Variants in DHX29 observed in about 807,000 individuals in gnomAD.
DHX29 encodes the protein DExH-box helicase 29.
In DHX29, 79 loss-of-function variants were observed where a neutral mutation model predicts 167.9. The observed-to-expected ratio is 0.47, with a 90% CI of 0.39 to 0.57. The LOEUF is 0.57. Ranked by LOEUF, DHX29 falls within the 20% of genes least tolerant of loss-of-function variation. The probability of loss-of-function intolerance (pLI) is 0.00; values close to 1 mark genes in which losing one functional copy is unlikely to be tolerated. For synonymous variants in DHX29, 530 were observed against 546.0 expected (o/e 0.97, Z 0.41); for missense variants, 1,347 against 1,593.4 (o/e 0.85, Z 2.63).
chr5:55,305,592 G>A (rs1748819961), intron 1 of DHX29, among the ~76,000 whole-genome samples: 1 of 152,184 alleles, frequency 6.6e-6, no homozygotes, highest in African/African-American at 2.4e-5. Context: ...ACCAACTGGA[G>A]GAAGCAAAAT....
At chr5:55,272,320 T>C (rs1260046526) in intron 17 of DHX29, 145 bp from the exon 18 acceptor site, 1 of 594,698 alleles carries the variant, frequency 1.7e-6, no homozygotes, top group Admixed American at 3.9e-5. Flanking sequence ...GCTATTACTG[T>C]GTAATTTTAA....
intron 18 of DHX29, among the ~76,000 whole-genome samples, chr5:55,271,222 C>T (rs1402480137): frequency 1.3e-5 from 2 of 152,174 alleles, no homozygotes; most frequent in Admixed American, 1.3e-4. Context: ...TAAAGGTGGT[C>T]TGTCCTATTT....
intron 9 of DHX29, 61 bp downstream of exon 9, chr5:55,285,635 C>T: frequency 1.3e-6 from 2 of 1,483,588 alleles, no homozygotes; most frequent in Non-Finnish European, 1.8e-6. Flanking sequence ...AAAAGATTTC[C>T]ACCTTAAATT....
At chr5:55,299,349 C>G (rs1273559099) in intron 1 of DHX29, among the ~76,000 whole-genome samples, 3 of 152,136 alleles carry the variant, frequency 2.0e-5, no homozygotes, top group Non-Finnish European at 4.4e-5. Context: ...AAAGAGAAAG[C>G]ACTCTTTCTT....
chr5:55,303,059 T>A (rs1748686661), intron 1 of DHX29, among the ~76,000 whole-genome samples: 1 of 152,090 alleles, frequency 6.6e-6, no homozygotes, highest in African/African-American at 2.4e-5. Flanking sequence ...ATTTATTACA[T>A]TAAAGTTGAA....
At chr5:55,270,376 G>A (rs750250173) in intron 20 of DHX29, 36 bp downstream of exon 20, 48 of 1,560,278 alleles carry the variant, frequency 3.1e-5, no homozygotes, top group Admixed American at 2.3e-4. Context: ...AGAAAGGGGC[G>A]AAGGACAAAA....
At chr5:55,264,322 T>C (rs776622877) in intron 23 of DHX29, among the ~76,000 whole-genome samples, 1 of 152,168 alleles carries the variant, frequency 6.6e-6, no homozygotes, top group Non-Finnish European at 1.5e-5. Context: ...ACCTGAGTAA[T>C]GGGCTAAACC....
chr5:55,275,257 C>CAT (rs1422325317), intron 14 of DHX29, among the ~76,000 whole-genome samples: 2 of 152,144 alleles, frequency 1.3e-5, no homozygotes, highest in African/African-American at 4.8e-5. Context: ...TTTATCTTGG[C>CAT]ATATACATAC....
chr5:55,286,227 C>CT (rs1747722417), intron 8 of DHX29, among the ~76,000 whole-genome samples: 1 of 149,560 alleles, frequency 6.7e-6, no homozygotes, highest in African/African-American at 2.5e-5. Context: ...GCACTACAGC[C>CT]TGGGTGACAG....
intron 24 of DHX29, 108 bp from the exon 25 acceptor site, chr5:55,261,607 A>G: frequency 1.2e-5 from 9 of 769,326 alleles, no homozygotes; most frequent in Admixed American, 2.4e-5. Flanking sequence ...CTACATTTTA[A>G]GCTCAGAGTA....
Position 55,277,247 on chromosome 5 carries a change from T to C in DHX29, c.2145A>G (p.Leu715=), listed in dbSNP as rs776908686. 5 of 1,609,408 alleles carry C rather than the reference T, an allele frequency of 3.1e-6. No individual in the cohort carries two copies. In the South Asian group the frequency reaches 4.4e-5, roughly 14 times the overall value. The part of the protein sequence containing the change: ...HERSVQSDFL[L]IILKEILQKR... The stretch of plus-strand genomic sequence containing the variant: ...TCTGTAAAATTTCCTTCAAGATAAT[T>C]AGTAGGAAGTCTGACTGGACACTTC... The change falls in exon 13 of 27, where the codon CTA becomes CTG. Residue 715 remains leucine (L), a synonymous_variant. Coordinates refer to ENST00000251636, the MANE Select transcript of DHX29 (RefSeq NM_019030.4).
Position 55,267,126 on chromosome 5 carries a change from A to G in DHX29, c.3525+12T>C, listed in dbSNP as rs761878003. The G allele has an allele frequency of 6.4e-7, 1 of 1,562,382 alleles. No individual in the cohort carries two copies. Among genetic ancestry groups the G allele is most frequent in the Non-Finnish European group, 8.8e-7 (1 of 1,140,432 alleles). ...CCATGACTCTGAGTGAGAGATCCATATTAAGAATTACCTCTAGGGTTAACA... is the reference window on the plus strand; with the variant it reads ...CCATGACTCTGAGTGAGAGATCCATGTTAAGAATTACCTCTAGGGTTAACA... On this transcript the variant is annotated intron_variant, in intron 23 of 26. Transcript: ENST00000251636.
chr5:55,261,171 G>C (rs1746297511), intron 25 of DHX29, among the ~76,000 whole-genome samples, 197 bp downstream of exon 25: 1 of 152,052 alleles, frequency 6.6e-6, no homozygotes, highest in Non-Finnish European at 1.5e-5. Flanking sequence ...ATAATAAATA[G>C]AATTTGTAAT....
At chr5:55,267,366 C>G in intron 22 of DHX29, 135 bp from the exon 23 acceptor site, 1 of 653,772 alleles carries the variant, frequency 1.5e-6, no homozygotes, top group Non-Finnish European at 2.6e-6. Context: ...CTTGTAGCAG[C>G]TACCAATTGT....
At position 55,283,343 on chromosome 5, in the gene DHX29, G is replaced by C. The variant is rs374719165; in HGVS notation, c.1825C>G (p.Leu609Val). Reference protein sequence around the residue: ...SGKSTQVPHFLLEDLLLNEWE... With the variant: ...SGKSTQVPHFVLEDLLLNEWE... ...TCATTTAGAAGCAAATCTTCCAATA[G>C]AAAATGTGGTACCTGAGTACTTTTA... Residue 609 changes from leucine (L) to valine (V), a missense_variant, in exon 11 of 27, where the codon CTA becomes GTA. By Grantham distance (32) the Leu-to-Val change is conservative. Transcript: ENST00000251636. 4 of 1,613,996 alleles carry C rather than the reference G, an allele frequency of 2.5e-6. No homozygotes were observed. The African/African-American group carries it at 5.3e-5, about 22-fold the overall frequency.
Position 55,261,504 on chromosome 5 carries a change from A to C in DHX29, c.3829-5T>G. 1 of 1,540,560 alleles carries C rather than the reference A, an allele frequency of 6.5e-7. No individual in the cohort carries two copies. Among genetic ancestry groups the C allele is most frequent in the South Asian group, 1.2e-5 (1 of 84,626 alleles). On this transcript the variant is annotated splice_polypyrimidine_tract_variant and splice_region_variant and intron_variant, in intron 24 of 26. Transcript: ENST00000251636. ...ATACACTCTGGCATACCTTATCTAC[A>C]TGGGAAAAAGGGGGGAAAATAACTT...
chr5:55,282,422 T>C (rs555211652), intron 11 of DHX29, among the ~76,000 whole-genome samples: 1 of 152,314 alleles, frequency 6.6e-6, no homozygotes, highest in East Asian at 1.9e-4. Context: ...TGTCTGTCAT[T>C]CTCTAACAGC....
chr5:55,264,018 A>G (rs2245516), intron 23 of DHX29, among the ~76,000 whole-genome samples: 119,504 of 151,562 alleles, frequency 0.79, 48,321 homozygotes, highest in Non-Finnish European at 0.89. Context: ...ATCTGGGCCA[A>G]GTGAGGTGGC....
At chr5:55,270,367 G>A in intron 20 of DHX29, 45 bp downstream of exon 20, 1 of 1,532,882 alleles carries the variant, frequency 6.5e-7, no homozygotes, top group Non-Finnish European at 8.7e-7. Context: ...TTCTTTTCTA[G>A]AAAGGGGCGA....
Sources: gnomAD v4.1 joint callset for allele counts (sites outside exome capture counted in the v4.1 genomes callset) on GRCh38, gnomAD v4.1.1 for gene constraint, MANE v1.5 for transcripts, NCBI Gene and HGNC (gene_info 2026-07-23, HGNC 2026-07-21) for gene names.